Variants in RNGTT observed in about 807,000 individuals in gnomAD.
The protein encoded by RNGTT is RNA guanylyltransferase and 5'-phosphatase.
RNGTT carries 33 observed loss-of-function variants against 79.3 expected under a neutral mutation model. That is an observed-to-expected ratio of 0.42 (90% CI 0.32 to 0.56). The LOEUF (loss-of-function observed/expected upper bound fraction) is 0.56. Among genes scored for constraint, RNGTT ranks in the 20% least tolerant of loss-of-function variants. The pLI is 0.17. For synonymous variants in RNGTT, 222 were observed against 235.9 expected (o/e 0.94, Z 0.54); for missense variants, 497 against 739.1 (o/e 0.67, Z 3.80).
Position 88,768,112 on chromosome 6 carries a change from T to C in RNGTT, c.1439+1662A>G, listed in dbSNP as rs568896106. 7.2e-5 allele frequency among the ~76,000 whole-genome samples: 11 copies of C among 151,908 alleles called. No individual in the cohort carries two copies. In the South Asian group the frequency reaches 2.3e-3, roughly 32 times the overall value. ...ACTTTTTGCCATTAAGTCCCAATTG[T>C]AAATTAAGCCACAAACATTTAGGGA... On this transcript the variant is annotated intron_variant, in intron 13 of 15. Coordinates refer to ENST00000369485, the MANE Select transcript of RNGTT (RefSeq NM_003800.5).
intron 8 of RNGTT, among the ~76,000 whole-genome samples, chr6:88,874,690 C>G (rs1782462006): frequency 6.6e-6 from 1 of 151,850 alleles, no homozygotes; most frequent in South Asian, 2.1e-4. Context: ...CAGTTAACAC[C>G]TCATCTAACA....
chr6:88,737,110 T>A (rs1777313871), intron 13 of RNGTT, among the ~76,000 whole-genome samples: 1 of 152,212 alleles, frequency 6.6e-6, no homozygotes, highest in Admixed American at 6.5e-5. Context: ...TCTAATGGAA[T>A]TTCCTCGATA....
intron 6 of RNGTT, among the ~76,000 whole-genome samples, chr6:88,903,108 C>T (rs775422632): frequency 3.3e-5 from 5 of 152,134 alleles, no homozygotes; most frequent in Non-Finnish European, 7.3e-5. Context: ...AAGGAACATA[C>T]CACTAGTGGC....
At chr6:88,614,847 A>G (rs562561577) in intron 14 of RNGTT, among the ~76,000 whole-genome samples, 1 of 152,334 alleles carries the variant, frequency 6.6e-6, no homozygotes, top group South Asian at 2.1e-4. Flanking sequence ...AAAGTTACAT[A>G]TCAATAGTGA....
At chr6:88,745,307 C>T (rs530485906) in intron 13 of RNGTT, among the ~76,000 whole-genome samples, 9 of 152,118 alleles carry the variant, frequency 5.9e-5, no homozygotes, top group African/African-American at 1.7e-4. Context: ...GCAAAAAGTG[C>T]GTAACCTCAA....
At chr6:88,893,553 C>A (rs964555168) in intron 6 of RNGTT, among the ~76,000 whole-genome samples, 2 of 152,102 alleles carry the variant, frequency 1.3e-5, no homozygotes, top group Non-Finnish European at 2.9e-5. Flanking sequence ...AATATTACCA[C>A]AGAAATATTT....
intron 13 of RNGTT, among the ~76,000 whole-genome samples, chr6:88,688,614 A>G (rs1247300543): frequency 1.3e-5 from 2 of 152,256 alleles, no homozygotes; most frequent in African/African-American, 2.4e-5. Context: ...AAATGATGGA[A>G]AGCATGTCAA....
intron 4 of RNGTT, among the ~76,000 whole-genome samples, chr6:88,925,486 G>C (rs1273489380): frequency 6.6e-6 from 1 of 151,642 alleles, no homozygotes; most frequent in East Asian, 1.9e-4. Flanking sequence ...CCAGCTACTC[G>C]GGAGGCTGAG....
chr6:88,927,011 GTTAA>G lies in RNGTT; in HGVS notation c.367+1970_367+1973del, dbSNP rs1405999468. Among the ~76,000 whole-genome samples the G allele has an allele frequency of 3.3e-5, 5 of 151,532 alleles. No individual in the cohort carries two copies. The East Asian group carries it at 5.8e-4, about 18-fold the overall frequency. On this transcript the variant is annotated intron_variant, in intron 4 of 15. Coordinates refer to ENST00000369485, the MANE Select transcript of RNGTT (RefSeq NM_003800.5). The stretch of plus-strand genomic sequence containing the variant: ...AAATTTTCTTACTACTAGTTTTTCC[GTTAA>G]TTATCTAAATAAGGAAAAACATTAG...
At chr6:88,758,713 G>A (rs377356788) in intron 13 of RNGTT, among the ~76,000 whole-genome samples, 1 of 152,124 alleles carries the variant, frequency 6.6e-6, no homozygotes. Flanking sequence ...AAGCTAGTAA[G>A]GGGTTGTCCA....
intron 13 of RNGTT, among the ~76,000 whole-genome samples, chr6:88,768,568 T>C (rs879381182): frequency 6.6e-6 from 1 of 152,234 alleles, no homozygotes; most frequent in Non-Finnish European, 1.5e-5. Flanking sequence ...GGACTCCATA[T>C]ATCCCCTGTT....
At chr6:88,747,018 G>A (rs1031745120) in intron 13 of RNGTT, among the ~76,000 whole-genome samples, 5 of 152,140 alleles carry the variant, frequency 3.3e-5, no homozygotes, top group African/African-American at 1.2e-4. Context: ...ATTCCTGAAT[G>A]TATAATTGGA....
chr6:88,624,994 C>A (rs1026193063), intron 14 of RNGTT, among the ~76,000 whole-genome samples: 1 of 151,784 alleles, frequency 6.6e-6, no homozygotes, highest in Non-Finnish European at 1.5e-5. Context: ...TCATTTTAGT[C>A]ATTAGGAAAA....
At chr6:88,891,001 T>C (rs941875293) in intron 7 of RNGTT, among the ~76,000 whole-genome samples, 4 of 152,142 alleles carry the variant, frequency 2.6e-5, no homozygotes, top group East Asian at 1.9e-4. Flanking sequence ...AACTGCAAGG[T>C]TGGCAACTTT....
chr6:88,893,261 A>C (rs1783114138), intron 6 of RNGTT, among the ~76,000 whole-genome samples: 1 of 152,102 alleles, frequency 6.6e-6, no homozygotes, highest in Admixed American at 6.5e-5. Context: ...ACTTCTTTTT[A>C]GAGAGTTCAA....
chr6:88,665,690 G>A (rs1774376259), intron 14 of RNGTT, among the ~76,000 whole-genome samples: 1 of 152,150 alleles, frequency 6.6e-6, no homozygotes, highest in Admixed American at 6.5e-5. Context: ...ATTACACTTG[G>A]ACCCGGCTTC....
intron 14 of RNGTT, among the ~76,000 whole-genome samples, chr6:88,628,409 A>G (rs1042933548): frequency 6.6e-6 from 1 of 152,142 alleles, no homozygotes; most frequent in Admixed American, 6.6e-5. Flanking sequence ...TTCAAGTACT[A>G]AAGTGCCCTC....
intron 13 of RNGTT, among the ~76,000 whole-genome samples, chr6:88,706,481 A>G (rs1051630373): frequency 6.6e-6 from 1 of 152,080 alleles, no homozygotes; most frequent in African/African-American, 2.4e-5. Flanking sequence ...GAAGAGCACT[A>G]ATAGATTCCT....
intron 13 of RNGTT, among the ~76,000 whole-genome samples, chr6:88,688,253 T>A (rs1031646199): frequency 6.6e-6 from 1 of 151,838 alleles, no homozygotes; most frequent in Non-Finnish European, 1.5e-5. Context: ...GTACAAAGAG[T>A]TACAAATAAG....
Sources: allele counts gnomAD v4.1 joint callset (sites outside exome capture counted in the v4.1 genomes callset), GRCh38; gene constraint gnomAD v4.1.1; transcripts MANE v1.5; gene names NCBI Gene and HGNC (gene_info 2026-07-23, HGNC 2026-07-21).